PRKD1: variants seen among roughly 807,000 people sequenced by gnomAD.
PRKD1 encodes the protein protein kinase D1.
PRKD1 carries 63 observed loss-of-function variants against 95.9 expected under a neutral mutation model. The observed-to-expected ratio is 0.66, with a 90% CI of 0.54 to 0.81. The LOEUF is 0.81. Ranked by LOEUF, PRKD1 falls within the 30% of genes least tolerant of loss-of-function variation. PRKD1 has a pLI of 0.00. For synonymous variants in PRKD1, 425 were observed against 423.1 expected, an observed-to-expected ratio of 1.00 and a Z score of -0.05; for missense variants, 1,048 against 1,165.3, an observed-to-expected ratio of 0.90 and a Z score of 1.47.
chr14:29,691,636 C>A (rs750075699), intron 2 of PRKD1, among the ~76,000 whole-genome samples: 1 of 152,036 alleles, frequency 6.6e-6, no homozygotes, highest in Non-Finnish European at 1.5e-5. Flanking sequence ...TAGGTTGGTG[C>A]AAAAGTAATC....
intron 17 of PRKD1, among the ~76,000 whole-genome samples, chr14:29,577,911 G>T (rs1161939263): frequency 6.6e-6 from 1 of 152,138 alleles, no homozygotes; most frequent in Non-Finnish European, 1.5e-5. Flanking sequence ...TGCATGACCA[G>T]ATGGGCATCT....
At chr14:29,656,520 A>G (rs907215266) in intron 4 of PRKD1, 3 of 1,535,142 alleles carry the variant, frequency 2.0e-6, no homozygotes, top group Non-Finnish European at 1.7e-6. Context: ...AAGTTGTAAG[A>G]GCAAAAAGCA....
At chr14:29,919,216 A>G (rs1033339225) in intron 1 of PRKD1, among the ~76,000 whole-genome samples, 1 of 152,220 alleles carries the variant, frequency 6.6e-6, no homozygotes, top group Admixed American at 6.5e-5. Context: ...ATGTTTGCCA[A>G]CATTGCTAAG....
intron 1 of PRKD1, among the ~76,000 whole-genome samples, chr14:29,795,821 T>C (rs1348838116): frequency 6.6e-6 from 1 of 152,172 alleles, no homozygotes; most frequent in Admixed American, 6.5e-5. Flanking sequence ...GGACTATGCA[T>C]TTTAGTTATA....
chr14:29,668,728 A>C (rs1443823111), intron 2 of PRKD1, among the ~76,000 whole-genome samples: 1 of 152,212 alleles, frequency 6.6e-6, no homozygotes, highest in Non-Finnish European at 1.5e-5. Flanking sequence ...ATAACGACAG[A>C]TCTTCCAAGA....
chr14:29,646,220 A>G (rs1881112875), intron 4 of PRKD1, among the ~76,000 whole-genome samples: 1 of 152,154 alleles, frequency 6.6e-6, no homozygotes. Flanking sequence ...GTTGTGCATT[A>G]TTAGTAATTA....
At chr14:29,876,812 T>C (rs1038098961) in intron 1 of PRKD1, among the ~76,000 whole-genome samples, 5 of 151,526 alleles carry the variant, frequency 3.3e-5, no homozygotes, top group Admixed American at 3.3e-4. Context: ...AGACAACACA[T>C]GAAAAGATGT....
intron 2 of PRKD1, among the ~76,000 whole-genome samples, chr14:29,704,778 T>C (rs914386705): frequency 2.0e-5 from 3 of 152,180 alleles, no homozygotes; most frequent in Non-Finnish European, 4.4e-5. Context: ...TTTAAATGAG[T>C]TATTTTTTTC....
rs552688475 is a variant in PRKD1, at chr14:29,801,729, C to A, written c.265-76055G>T. Among the ~76,000 whole-genome samples, 371 of 152,160 alleles carry A rather than the reference C, an allele frequency of 2.4e-3. 1 individual carries two copies. The highest frequency in any genetic ancestry group is 8.8e-3 in the African/African-American group (364 of 41,540). On this transcript the variant is annotated intron_variant, in intron 1 of 17. Coordinates refer to ENST00000331968, the MANE Select transcript of PRKD1 (RefSeq NM_002742.3). ...TTTAGATGGAGTTTCGCTCTTGTTG[C>A]CCAGGCTGGAGTGCAATGGCACAAT...
rs1566525326 is a variant in PRKD1, at chr14:29,666,166, A to G, written c.446T>C (p.Leu149Pro). Reference sequence around the variant, plus strand: ...TGGAGCTCTGTATGAATGAACAAAGAGAGCGTGGGGACGAATCTGAAAGTC... The same window carrying G: ...TGGAGCTCTGTATGAATGAACAAAGGGAGCGTGGGGACGAATCTGAAAGTC... ...FEDFQIRPHALFVHSYRAPAF... is the reference protein window; with the variant it reads ...FEDFQIRPHAPFVHSYRAPAF... Residue 149 changes from leucine (L) to proline (P), a missense_variant, in exon 3 of 18, where the codon CTC (leucine) becomes CCC (proline). Physicochemically the swap from Leu to Pro is moderately conservative, Grantham distance 98 (BLOSUM62 -3). Around this residue, in one of 3 missense-constraint regions of PRKD1, gnomAD observed 275 missense variants for 248.6 expected, o/e 1.11. Coordinates refer to ENST00000331968, the MANE Select transcript of PRKD1 (RefSeq NM_002742.3). 6.2e-7 allele frequency: 1 copy of G among 1,607,764 alleles called. No homozygotes were observed.
chr14:29,734,128 C>G (rs545284592), intron 1 of PRKD1, among the ~76,000 whole-genome samples: 1 of 141,024 alleles, frequency 7.1e-6, no homozygotes, highest in African/African-American at 2.6e-5. Flanking sequence ...CTGCAACCTC[C>G]GCCTCCCAGG....
intron 4 of PRKD1, among the ~76,000 whole-genome samples, chr14:29,653,266 G>A (rs929131951): frequency 1.3e-5 from 2 of 152,202 alleles, no homozygotes; most frequent in Admixed American, 1.3e-4. Context: ...TAGAATGAGC[G>A]ATTTATTTCC....
At chr14:29,673,656 C>T (rs115992442) in intron 2 of PRKD1, among the ~76,000 whole-genome samples, 308 of 152,280 alleles carry the variant, frequency 2.0e-3, no homozygotes, top group African/African-American at 7.0e-3. Flanking sequence ...GATTAATTCT[C>T]GTAGTTAAAC....
At chr14:29,835,682 T>C (rs1891585796) in intron 1 of PRKD1, among the ~76,000 whole-genome samples, 1 of 152,208 alleles carries the variant, frequency 6.6e-6, no homozygotes, top group Non-Finnish European at 1.5e-5. Context: ...GCGATTCTCC[T>C]GCCTCAGCCT....
At chr14:29,773,232 G>A (rs911942363) in intron 1 of PRKD1, among the ~76,000 whole-genome samples, 3 of 152,074 alleles carry the variant, frequency 2.0e-5, no homozygotes, top group East Asian at 3.9e-4. Context: ...AGGCCCAGGC[G>A]AGTGAATCAC....
intron 13 of PRKD1, among the ~76,000 whole-genome samples, chr14:29,609,506 G>GCACACACA (rs150570301): frequency 0.13 from 17,022 of 126,890 alleles, 1,234 homozygotes; most frequent in South Asian, 0.19. Context: ...GTGTGTGCGT[G>GCACACACA]CACACACACA....
At chr14:29,775,311 G>A (rs1478576077) in intron 1 of PRKD1, among the ~76,000 whole-genome samples, 2 of 152,166 alleles carry the variant, frequency 1.3e-5, no homozygotes, top group Non-Finnish European at 2.9e-5. Context: ...AGGACAGTGG[G>A]TGCAGCCCAC....
intron 2 of PRKD1, among the ~76,000 whole-genome samples, chr14:29,691,297 T>C (rs918742940): frequency 3.3e-5 from 5 of 152,198 alleles, no homozygotes; most frequent in African/African-American, 1.2e-4. Context: ...GTGATTAACT[T>C]GTGTTTGCAC....
intron 1 of PRKD1, among the ~76,000 whole-genome samples, chr14:29,912,860 G>C (rs561289233): frequency 1.3e-5 from 2 of 152,110 alleles, no homozygotes; most frequent in Admixed American, 1.3e-4. Context: ...AGCACTTTAC[G>C]CTACAGCTTC....
Sources: allele counts gnomAD v4.1 joint callset (sites outside exome capture counted in the v4.1 genomes callset), GRCh38; gene constraint gnomAD v4.1.1; regional missense constraint gnomAD v4.1.1; transcripts MANE v1.5; gene names NCBI Gene and HGNC (gene_info 2026-07-23, HGNC 2026-07-21).